MTHFD2L: variants seen among roughly 807,000 people sequenced by gnomAD.
MTHFD2L encodes the protein methylenetetrahydrofolate dehydrogenase (NADP+ dependent) 2 like.
In MTHFD2L, 29 loss-of-function variants were observed where a neutral mutation model predicts 34.9. That is an observed-to-expected ratio of 0.83 (90% CI 0.62 to 1.13). The LOEUF (loss-of-function observed/expected upper bound fraction) is 1.13. MTHFD2L is among the 50% of genes most tolerant of loss of function. MTHFD2L has a pLI of 0.00. For synonymous variants in MTHFD2L, 167 were observed against 155.7 expected, an observed-to-expected ratio of 1.07 and a Z score of -0.54; for missense variants, 481 against 446.5, an observed-to-expected ratio of 1.08 and a Z score of -0.70.
chr4:74,262,520 A>G, intron 6 of MTHFD2L, among the ~76,000 whole-genome samples: 1 of 152,136 alleles, frequency 6.6e-6, no homozygotes, highest in Middle Eastern at 3.4e-3. Context: ...TGCAGCATAT[A>G]TAAATATGTT....
At chr4:74,192,355 T>A (rs944752455) in intron 3 of MTHFD2L, among the ~76,000 whole-genome samples, 1 of 152,174 alleles carries the variant, frequency 6.6e-6, no homozygotes, top group African/African-American at 2.4e-5. Flanking sequence ...GTTGTTAACA[T>A]TATGCTATAT....
chr4:74,157,758 A>T, upstream of MTHFD2L: 1 of 477,038 alleles, frequency 2.1e-6, no homozygotes, highest in Non-Finnish European at 4.2e-6. Flanking sequence ...GTTGGGCAGG[A>T]TCTCTGGCTT....
At chr4:74,254,797 T>G (rs182459972) in intron 6 of MTHFD2L, among the ~76,000 whole-genome samples, 2 of 145,978 alleles carry the variant, frequency 1.4e-5, no homozygotes, top group East Asian at 4.0e-4. Flanking sequence ...GTATGAAGAT[T>G]AAAAGAGAAC....
At chr4:74,152,321 A>T (rs553573924) in intron 1 of MTHFD2L, among the ~76,000 whole-genome samples, 18 of 152,092 alleles carry the variant, frequency 1.2e-4, no homozygotes, top group Non-Finnish European at 2.2e-4. Flanking sequence ...GTTGTATTTG[A>T]TTAGTAGCTT....
upstream of MTHFD2L, among the ~76,000 whole-genome samples, chr4:74,119,036 G>A (rs1257734542): frequency 2.0e-5 from 3 of 152,196 alleles, no homozygotes; most frequent in Admixed American, 2.0e-4. Flanking sequence ...ACTGCCCAGA[G>A]ACCATAATAA....
chr4:74,227,795 T>C (rs1739402998), intron 6 of MTHFD2L, among the ~76,000 whole-genome samples: 1 of 152,152 alleles, frequency 6.6e-6, no homozygotes, highest in Non-Finnish European at 1.5e-5. Flanking sequence ...TTTAAAAACA[T>C]ATCAGACCTC....
rs1722407329 is a variant in MTHFD2L, at chr4:74,130,480, C to G, written c.-297+4963C>G. ...TTCATCACATAAACAGAACCAATGA[C>G]AAAAACCACACGATTATCTCAATAG... On this transcript the variant is annotated intron_variant, in intron 1 of 7. Coordinates refer to the MTHFD2L transcript ENST00000433372. Among the ~76,000 whole-genome samples the G allele has an allele frequency of 2.6e-5, 4 of 152,252 alleles. No individual in the cohort carries two copies. In the South Asian group the frequency reaches 8.3e-4, roughly 32 times the overall value.
At chr4:74,154,903 G>C (rs1233078016), upstream of MTHFD2L, among the ~76,000 whole-genome samples, 2 of 152,104 alleles carry the variant, frequency 1.3e-5, no homozygotes, top group Non-Finnish European at 2.9e-5. Flanking sequence ...GTAACCATCT[G>C]TATTTGTATT....
chr4:74,236,477 A>T (rs1740852068), intron 6 of MTHFD2L, among the ~76,000 whole-genome samples: 2 of 152,228 alleles, frequency 1.3e-5, no homozygotes, highest in African/African-American at 4.8e-5. Flanking sequence ...TTTTCTAGCC[A>T]TCCAGTGTAT....
intron 4 of MTHFD2L, among the ~76,000 whole-genome samples, chr4:74,200,500 A>G (rs923527745): frequency 1.3e-5 from 2 of 152,160 alleles, no homozygotes; most frequent in Admixed American, 1.3e-4. Flanking sequence ...TTTCTAAAAT[A>G]TATTTTTCTG....
intron 6 of MTHFD2L, chr4:74,241,470 T>C: frequency 3.8e-6 from 1 of 263,114 alleles, no homozygotes; most frequent in South Asian, 3.5e-5. Context: ...CATGGCTCAC[T>C]GTAGCCTTGA....
intron 1 of MTHFD2L, chr4:74,140,629 T>C (rs1279987784): frequency 2.7e-6 from 2 of 733,602 alleles, no homozygotes; most frequent in South Asian, 6.2e-5. Flanking sequence ...TATAAGGACA[T>C]ACCAGAGACT....
rs543497463 is a variant in MTHFD2L at position 74,281,564 on chromosome 4, A to G, written c.931+14A>G. 2.5e-6 allele frequency: 4 copies of G among 1,603,848 alleles called. No homozygotes were observed. Among genetic ancestry groups the G allele is most frequent in the East Asian group, 4.5e-5 (2 of 44,662 alleles). On this transcript the variant is annotated intron_variant, in intron 7 of 7. Transcript: ENST00000325278. ...TGGACTTCGAAGGTAATAAACCAAT[A>G]TCTTTTGATAGGTGAAGAAGATAAA...
chr4:74,151,880 T>C (rs568187), intron 1 of MTHFD2L, among the ~76,000 whole-genome samples: 149,990 of 152,266 alleles, frequency 0.99, 73,915 homozygotes, highest in East Asian at 1. Context: ...TCCCTACAGG[T>C]TCATTGTTAG....
At chr4:74,144,715 G>A (rs1723485554) in intron 1 of MTHFD2L, among the ~76,000 whole-genome samples, 1 of 152,052 alleles carries the variant, frequency 6.6e-6, no homozygotes, top group Non-Finnish European at 1.5e-5. Flanking sequence ...TGGTGTCTTG[G>A]AGATGTCCCA....
At chr4:74,179,655 A>G (rs2109977555) in intron 3 of MTHFD2L, among the ~76,000 whole-genome samples, 1 of 152,210 alleles carries the variant, frequency 6.6e-6, no homozygotes, top group Admixed American at 6.5e-5. Flanking sequence ...CTTTTATACT[A>G]CATATTGGGA....
chr4:74,243,965 G>A (rs550101596), intron 6 of MTHFD2L, among the ~76,000 whole-genome samples: 17 of 152,118 alleles, frequency 1.1e-4, no homozygotes, highest in South Asian at 2.1e-4. Context: ...TAGGTGTGAC[G>A]GAACAATCTC....
intron 6 of MTHFD2L, among the ~76,000 whole-genome samples, chr4:74,227,971 C>T (rs1739433119): frequency 1.3e-5 from 2 of 152,094 alleles, no homozygotes; most frequent in South Asian, 4.1e-4. Context: ...CTTCTATAGG[C>T]CCTTTTCTGG....
chr4:74,140,638 C>T, intron 1 of MTHFD2L: 2 of 708,930 alleles, frequency 2.8e-6, no homozygotes, highest in Non-Finnish European at 3.5e-6. Context: ...ATACCAGAGA[C>T]TGGGTAATTT....
Sources: allele counts gnomAD v4.1 joint callset (sites outside exome capture counted in the v4.1 genomes callset), GRCh38; gene constraint gnomAD v4.1.1; transcripts MANE v1.5; gene names NCBI Gene and HGNC (gene_info 2026-07-23, HGNC 2026-07-21).